DLG2: variants seen among roughly 807,000 people sequenced by gnomAD.
DLG2 encodes disks large homolog 2.
DLG2 carries 45 observed loss-of-function variants against 132.5 expected under a neutral mutation model. The observed-to-expected ratio is 0.34, with a 90% CI of 0.27 to 0.44. The LOEUF (loss-of-function observed/expected upper bound fraction) is 0.44, where lower values mean the gene tolerates loss of function less well. Among genes scored for constraint, DLG2 ranks in the 20% least tolerant of loss-of-function variants. DLG2 has a pLI of 1.00. For synonymous variants in DLG2, 424 were observed against 419.6 expected (o/e 1.01, Z -0.13); for missense variants, 1,045 against 1,196.9 (o/e 0.87, Z 1.87).
At chr11:84,476,839 G>A (rs2099122947) in intron 7 of DLG2, among the ~76,000 whole-genome samples, 1 of 152,150 alleles carries the variant, frequency 6.6e-6, no homozygotes, top group Non-Finnish European at 1.5e-5. Flanking sequence ...CAGCCTCTTT[G>A]TGTCTTCCCA....
At chr11:85,017,567 T>G (rs2059677507) in intron 6 of DLG2, among the ~76,000 whole-genome samples, 1 of 152,250 alleles carries the variant, frequency 6.6e-6, no homozygotes, top group Non-Finnish European at 1.5e-5. Flanking sequence ...GGATCATTTC[T>G]AGAGGCTTCC....
chr11:84,796,634 C>G (rs1424984182), intron 6 of DLG2, among the ~76,000 whole-genome samples: 2 of 151,908 alleles, frequency 1.3e-5, no homozygotes, highest in African/African-American at 2.4e-5. Flanking sequence ...CTTTATTTCT[C>G]CTTCATGCTT....
At chr11:85,322,703 C>G (rs535294820) in intron 3 of DLG2, among the ~76,000 whole-genome samples, 1 of 152,294 alleles carries the variant, frequency 6.6e-6, no homozygotes, top group South Asian at 2.1e-4. Flanking sequence ...AATATTTCCA[C>G]TGATCACCCA....
chr11:84,812,436 T>A (rs1450922538), intron 6 of DLG2, among the ~76,000 whole-genome samples: 2 of 151,014 alleles, frequency 1.3e-5, no homozygotes, highest in African/African-American at 2.5e-5. Flanking sequence ...ACAATAAAAT[T>A]TTTTTAAAGC....
intron 3 of DLG2, among the ~76,000 whole-genome samples, chr11:85,551,171 G>A (rs964655040): frequency 2.0e-5 from 3 of 152,092 alleles, no homozygotes; most frequent in African/African-American, 7.2e-5. Context: ...AAGCATTTTT[G>A]AGATAGACAA....
At chr11:84,980,783 T>A (rs934373544) in intron 6 of DLG2, among the ~76,000 whole-genome samples, 1 of 152,196 alleles carries the variant, frequency 6.6e-6, no homozygotes, top group African/African-American at 2.4e-5. Flanking sequence ...CCAGCTATGT[T>A]TCCTATGATT....
At chr11:84,776,121 G>A (rs1210920925) in intron 6 of DLG2, among the ~76,000 whole-genome samples, 1 of 151,842 alleles carries the variant, frequency 6.6e-6, no homozygotes, top group South Asian at 2.1e-4. Flanking sequence ...TGTTTATTGA[G>A]GTACACCTTT....
At chr11:83,700,622 C>G (rs2153640556) in intron 18 of DLG2, among the ~76,000 whole-genome samples, 1 of 152,216 alleles carries the variant, frequency 6.6e-6, no homozygotes, top group South Asian at 2.1e-4. Flanking sequence ...AAAAGATGAA[C>G]AGTTGCCAAT....
intron 27 of DLG2, among the ~76,000 whole-genome samples, chr11:83,461,319 T>C (rs2089967812): frequency 6.6e-6 from 1 of 152,098 alleles, no homozygotes; most frequent in South Asian, 2.1e-4. Flanking sequence ...TTCTTGTTTT[T>C]AAACCTCCGG....
intron 3 of DLG2, among the ~76,000 whole-genome samples, chr11:85,487,778 C>CA (rs2153100823): frequency 6.6e-6 from 1 of 152,242 alleles, no homozygotes; most frequent in East Asian, 1.9e-4. Flanking sequence ...CCAAGTCTAG[C>CA]AAGACATTTA....
At chr11:83,572,412 T>C (rs974888775) in intron 19 of DLG2, among the ~76,000 whole-genome samples, 10 of 151,944 alleles carry the variant, frequency 6.6e-5, no homozygotes, top group Non-Finnish European at 7.4e-5. Flanking sequence ...AAAAGGAAGG[T>C]TGGAAATTGA....
chr11:85,193,233 A>G (rs2080744785), intron 4 of DLG2, among the ~76,000 whole-genome samples: 1 of 152,194 alleles, frequency 6.6e-6, no homozygotes. Flanking sequence ...TCCATGTTTT[A>G]GCATGTATCA....
chr11:85,365,996 C>G (rs925563598), intron 3 of DLG2, among the ~76,000 whole-genome samples: 2 of 152,126 alleles, frequency 1.3e-5, no homozygotes, highest in African/African-American at 4.8e-5. Flanking sequence ...TTGATGGGTG[C>G]AGCAAACCAC....
chr11:85,606,202 C>T (rs1044355428), intron 2 of DLG2, among the ~76,000 whole-genome samples: 4 of 152,164 alleles, frequency 2.6e-5, no homozygotes, highest in African/African-American at 7.2e-5. Flanking sequence ...AACAATTAGA[C>T]ATTTTTCATA....
intron 6 of DLG2, among the ~76,000 whole-genome samples, chr11:84,898,560 A>C (rs1420232855): frequency 6.6e-6 from 1 of 151,914 alleles, no homozygotes; most frequent in Non-Finnish European, 1.5e-5. Context: ...CCAAATGCCA[A>C]ATTTAGAATT....
At chr11:84,935,246 TTAAA>T (rs1481702923) in intron 6 of DLG2, among the ~76,000 whole-genome samples, 1 of 152,232 alleles carries the variant, frequency 6.6e-6, no homozygotes, top group African/African-American at 2.4e-5. Context: ...AATGTTTTCC[TTAAA>T]TATATTCTTG....
At position 83,480,307 on chromosome 11, in the gene DLG2, A is replaced by G. The variant is rs1046341417; in HGVS notation, c.2293+3822T>C. On this transcript the variant is annotated intron_variant, in intron 22 of 27. Transcript: ENST00000376104. Reference sequence around the variant, plus strand: ...TTGAAAAACAACAACAGAAATCTGAAATGACCACCACAGGCAATGGGGCAA... The same window carrying G: ...TTGAAAAACAACAACAGAAATCTGAGATGACCACCACAGGCAATGGGGCAA... The G allele has an allele frequency of 3.1e-6, 4 of 1,274,678 alleles. No individual in the cohort carries two copies. The African/African-American group carries it at 5.9e-5, about 19-fold the overall frequency. The allele number at this position is 1,274,678 out of a possible 1,614,324, so 79.0% of individuals were successfully genotyped here. A position where few individuals can be genotyped will look rare whatever the true frequency, so the allele number is the denominator to read the frequency against.
rs1209014045 is a variant in DLG2, at chr11:83,456,270, T to C, written c.*3548A>G. 1 of 152,892 alleles carries C rather than the reference T, an allele frequency of 6.5e-6. No individual in the cohort carries two copies. Among genetic ancestry groups the C allele is most frequent in the Non-Finnish European group, 1.5e-5 (1 of 68,252 alleles). 9.5% of individuals were successfully genotyped at this position (152,892 alleles called of 1,614,324 possible). On this transcript the variant is annotated 3_prime_UTR_variant, in exon 28 of 28. Transcript: ENST00000376104. ...GGCAGGGCCCACAGCACATGCATCA[T>C]CGCTGCCAGGGCAACGGTGCAGGCT...
At chr11:85,054,788 C>T (rs2063283571) in intron 6 of DLG2, among the ~76,000 whole-genome samples, 1 of 152,156 alleles carries the variant, frequency 6.6e-6, no homozygotes, top group African/African-American at 2.4e-5. Flanking sequence ...TGCATATTCT[C>T]ATTTATAAGT....
Sources: allele counts gnomAD v4.1 joint callset (sites outside exome capture counted in the v4.1 genomes callset), GRCh38; gene constraint gnomAD v4.1.1; transcripts MANE v1.5; gene names NCBI Gene and HGNC (gene_info 2026-07-23, HGNC 2026-07-21).